Variants in CASR observed in about 807,000 individuals in gnomAD.
The protein encoded by CASR is extracellular calcium-sensing receptor.
CASR carries 23 observed loss-of-function variants against 69.1 expected under a neutral mutation model. The observed-to-expected ratio is 0.33, with a 90% CI of 0.24 to 0.47. The LOEUF is 0.47. Among genes scored for constraint, CASR ranks in the 20% least tolerant of loss-of-function variants. The pLI is 1.00. For missense variants in CASR, 924 were observed against 1,356.1 expected (o/e 0.68, Z 5.00); for synonymous variants, 541 against 544.7 (o/e 0.99, Z 0.10).
intron 1 of CASR, among the ~76,000 whole-genome samples, chr3:122,236,145 G>T (rs752724089): frequency 4.6e-5 from 7 of 152,204 alleles, no homozygotes; most frequent in Non-Finnish European, 1.0e-4. Flanking sequence ...CACATTAAAA[G>T]AAATCAATTG....
chr3:122,235,398 C>T (rs1331781035), intron 1 of CASR, among the ~76,000 whole-genome samples: 1 of 152,116 alleles, frequency 6.6e-6, no homozygotes, highest in Non-Finnish European at 1.5e-5. Flanking sequence ...CAGAAAGTTA[C>T]CCTAACTTTA....
intron 1 of CASR, among the ~76,000 whole-genome samples, chr3:122,209,733 C>T (rs955306109): frequency 6.6e-6 from 1 of 152,172 alleles, no homozygotes; most frequent in African/African-American, 2.4e-5. Context: ...CTCCCTAACT[C>T]ATTTTATGAG....
At chr3:122,210,324 A>G (rs895901116) in intron 1 of CASR, among the ~76,000 whole-genome samples, 1 of 152,232 alleles carries the variant, frequency 6.6e-6, no homozygotes, top group Admixed American at 6.5e-5. Flanking sequence ...ACATGATCCT[A>G]TATCTAGAAA....
intron 1 of CASR, among the ~76,000 whole-genome samples, chr3:122,192,858 C>T (rs1381650369): frequency 2.6e-5 from 4 of 152,212 alleles, no homozygotes; most frequent in Non-Finnish European, 5.9e-5. Context: ...TTTCTCTGCT[C>T]TTCTCACGAT....
rs943642775 is a variant in CASR, at chr3:122,286,248, A to C, written c.*1057A>C. ...AGCAGTGGTATTAATACTGCCGGTC[A>C]CCCAGGCTCTGGAGCCAGAGAGACA... On this transcript the variant is annotated 3_prime_UTR_variant, in exon 7 of 7. Coordinates refer to ENST00000639785, the MANE Select transcript of CASR (RefSeq NM_000388.4). 13 of 152,176 alleles carry C rather than the reference A, an allele frequency of 8.5e-5. No individual in the cohort carries two copies. The highest frequency in any genetic ancestry group is 2.9e-4 in the African/African-American group (12 of 41,432). 9.4% of individuals were successfully genotyped at this position (152,176 alleles called of 1,614,324 possible). A position where few individuals can be genotyped will look rare whatever the true frequency, so the allele number is the denominator to read the frequency against.
intron 2 of CASR, among the ~76,000 whole-genome samples, chr3:122,256,555 T>G (rs966676895): frequency 6.6e-6 from 1 of 152,248 alleles, no homozygotes; most frequent in African/African-American, 2.4e-5. Context: ...TTTTGCATAA[T>G]TAGCTCATGT....
chr3:122,283,910 C>T lies in CASR; in HGVS notation c.1956C>T (p.Tyr652=). ...IVKATNRELS[Y]LLLFSLLCCF... ...AGGCCACCAACCGAGAGCTCTCCTA[C>T]CTCCTCCTCTTCTCCCTGCTCTGCT... The change falls in exon 7 of 7, where the codon TAC becomes TAT. Residue 652 remains tyrosine, a synonymous_variant. Coordinates refer to ENST00000639785, the MANE Select transcript of CASR (RefSeq NM_000388.4). The T allele has an allele frequency of 6.2e-7, 1 of 1,613,740 alleles. No individual in the cohort carries two copies. Among genetic ancestry groups the T allele is most frequent in the Non-Finnish European group, 8.5e-7 (1 of 1,179,958 alleles).
At chr3:122,194,966 TTTC>T (rs1244714664) in intron 1 of CASR, among the ~76,000 whole-genome samples, 4 of 135,982 alleles carry the variant, frequency 2.9e-5, no homozygotes, top group African/African-American at 8.3e-5. Context: ...TTCCTCCTCC[TTTC>T]TTCTTCTTAC....
intron 1 of CASR, among the ~76,000 whole-genome samples, chr3:122,221,845 T>C (rs1159665119): frequency 6.6e-6 from 1 of 152,250 alleles, no homozygotes; most frequent in East Asian, 1.9e-4. Flanking sequence ...TGGGAAGATT[T>C]AATGAACAAG....
chr3:122,230,780 C>A (rs563802388), intron 1 of CASR, among the ~76,000 whole-genome samples: 50 of 152,346 alleles, frequency 3.3e-4, no homozygotes, highest in Non-Finnish European at 5.6e-4. Context: ...AAGGAAGCAG[C>A]TGTCCCAAGG....
chr3:122,272,360 T>A (rs1420413985), intron 4 of CASR, among the ~76,000 whole-genome samples: 1 of 152,216 alleles, frequency 6.6e-6, no homozygotes, highest in Non-Finnish European at 1.5e-5. Flanking sequence ...TATTTCCCCT[T>A]GTTCTCTAGT....
chr3:122,249,335 A>T (rs1331258625), intron 1 of CASR, among the ~76,000 whole-genome samples: 1 of 152,248 alleles, frequency 6.6e-6, no homozygotes, highest in East Asian at 1.9e-4. Flanking sequence ...CACCGTCCTT[A>T]TAATGCGCCT....
chr3:122,241,233 A>G (rs532372028), intron 1 of CASR, among the ~76,000 whole-genome samples: 4 of 152,270 alleles, frequency 2.6e-5, no homozygotes, highest in African/African-American at 9.6e-5. Flanking sequence ...AAAAAGATCA[A>G]TTAAATGAAA....
In CASR at chr3:122,254,229, A is replaced by G. The variant is rs199515839; in HGVS notation, c.40A>G (p.Thr14Ala). The G allele has an allele frequency of 1.3e-5, 21 of 1,613,616 alleles. No homozygotes were observed. Among genetic ancestry groups the G allele is most frequent in the Non-Finnish European group, 1.8e-5 (21 of 1,180,046 alleles). Reference protein sequence around the residue: ...YSCCWVLLALTWHTSAYGPDQ... With the variant: ...YSCCWVLLALAWHTSAYGPDQ... ...CTGCTGCTGGGTCCTCTTGGCACTC[A>G]CCTGGCACACCTCTGCCTACGGGCC... The change falls in exon 2 of 7, where the codon ACC becomes GCC. Residue 14 changes from threonine (T) to alanine (A), a missense_variant. Transcript: ENST00000639785.
At chr3:122,233,396 G>A (rs1359556667) in intron 1 of CASR, among the ~76,000 whole-genome samples, 1 of 152,200 alleles carries the variant, frequency 6.6e-6, no homozygotes, top group Non-Finnish European at 1.5e-5. Flanking sequence ...CCAGTCCTGG[G>A]GGTCTTTGGC....
chr3:122,245,471 C>T (rs1444315106), intron 1 of CASR: 1 of 152,080 alleles, frequency 6.6e-6, no homozygotes, highest in East Asian at 1.9e-4. Context: ...GTCTTTCTGT[C>T]TTATGATTTA....
At chr3:122,247,653 T>TG in intron 1 of CASR, 1 of 152,246 alleles carries the variant, frequency 6.6e-6, no homozygotes, top group Non-Finnish European at 1.5e-5. Context: ...TTGCCGGCAG[T>TG]ACACACAAGT....
At chr3:122,273,072 A>G (rs2074777322) in intron 4 of CASR, among the ~76,000 whole-genome samples, 1 of 152,232 alleles carries the variant, frequency 6.6e-6, no homozygotes. Flanking sequence ...TGGACAAAGG[A>G]GAAAAGCAGC....
At chr3:122,239,986 T>C (rs1201250169) in intron 1 of CASR, among the ~76,000 whole-genome samples, 1 of 152,036 alleles carries the variant, frequency 6.6e-6, no homozygotes, top group African/African-American at 2.4e-5. Flanking sequence ...AGGGATAATA[T>C]CAGAGAACTT....
Sources: gnomAD v4.1 joint callset for allele counts (sites outside exome capture counted in the v4.1 genomes callset) on GRCh38, gnomAD v4.1.1 for gene constraint, MANE v1.5 for transcripts, NCBI Gene and HGNC (gene_info 2026-07-23, HGNC 2026-07-21) for gene names.